Variants in SCHIP1 observed in about 807,000 individuals in gnomAD.
SCHIP1 encodes schwannomin interacting protein 1, also known as schwannomin-interacting protein 1.
SCHIP1 carries 8 observed loss-of-function variants against 29.7 expected under a neutral mutation model. That is an observed-to-expected ratio of 0.27 (90% CI 0.16 to 0.49). SCHIP1 has a LOEUF of 0.49. Ranked by LOEUF, SCHIP1 falls within the 20% of genes least tolerant of loss-of-function variation. The pLI is 0.99. For missense variants in SCHIP1, 193 were observed against 294.6 expected (o/e 0.66, Z 2.52); for synonymous variants, 76 against 94.9 (o/e 0.80, Z 1.16).
At chr3:159,781,384 C>A in the SCHIP1 span, among the ~76,000 whole-genome samples, 1 of 152,136 alleles carries the variant, frequency 6.6e-6, no homozygotes, top group Non-Finnish European at 1.5e-5. Context: ...CTATGTTGGC[C>A]AGGCTGGTCT....
chr3:159,387,614 G>T, the SCHIP1 span, among the ~76,000 whole-genome samples: 3 of 152,176 alleles, frequency 2.0e-5, no homozygotes, highest in Admixed American at 2.0e-4. Flanking sequence ...TTCTTTAAAA[G>T]TCCGTATAGT....
chr3:159,330,615 A>G, the SCHIP1 span, among the ~76,000 whole-genome samples: 1 of 152,166 alleles, frequency 6.6e-6, no homozygotes, highest in Non-Finnish European at 1.5e-5. Context: ...TTTTCAGTGC[A>G]CTGTATCAGT....
chr3:159,384,094 C>G, the SCHIP1 span, among the ~76,000 whole-genome samples: 1 of 151,374 alleles, frequency 6.6e-6, no homozygotes, highest in African/African-American at 2.4e-5. Flanking sequence ...ATTGAATACC[C>G]TTTATTTCCT....
chr3:159,810,942 G>A, the SCHIP1 span, among the ~76,000 whole-genome samples: 5 of 152,134 alleles, frequency 3.3e-5, no homozygotes, highest in South Asian at 2.1e-4. Flanking sequence ...TGAGGCTTAC[G>A]GTTTTTTCAT....
At chr3:159,278,188 T>C in the SCHIP1 span, among the ~76,000 whole-genome samples, 2 of 152,144 alleles carry the variant, frequency 1.3e-5, no homozygotes, top group Admixed American at 1.3e-4. Context: ...ATGTACTGGG[T>C]ACATACTCTT....
chr3:159,758,071 C>G, the SCHIP1 span, among the ~76,000 whole-genome samples: 2 of 152,134 alleles, frequency 1.3e-5, no homozygotes, highest in African/African-American at 2.4e-5. Flanking sequence ...TACAAACTTC[C>G]CCACCTTTTT....
At chr3:159,448,391 A>G in the SCHIP1 span, among the ~76,000 whole-genome samples, 1 of 152,122 alleles carries the variant, frequency 6.6e-6, no homozygotes, top group Non-Finnish European at 1.5e-5. Context: ...GAATTGCTTG[A>G]ACCCGGGAGG....
the SCHIP1 span, among the ~76,000 whole-genome samples, chr3:159,762,362 G>A: frequency 2.0e-5 from 3 of 152,120 alleles, no homozygotes; most frequent in South Asian, 2.1e-4. Flanking sequence ...CAGGAGAGTC[G>A]TGCCTCACAG....
the SCHIP1 span, among the ~76,000 whole-genome samples, chr3:159,400,732 A>G: frequency 6.6e-6 from 1 of 152,162 alleles, no homozygotes; most frequent in Non-Finnish European, 1.5e-5. Context: ...ACAATAAACA[A>G]TTGATGGATT....
the SCHIP1 span, among the ~76,000 whole-genome samples, chr3:159,647,058 C>A: frequency 1.3e-5 from 2 of 151,414 alleles, no homozygotes; most frequent in Admixed American, 1.3e-4. Flanking sequence ...ATAAGGTAAC[C>A]GAAATGGAAT....
At chr3:159,425,569 T>G in the SCHIP1 span, among the ~76,000 whole-genome samples, 1 of 152,118 alleles carries the variant, frequency 6.6e-6, no homozygotes, top group South Asian at 2.1e-4. Flanking sequence ...ACAAAGAGAC[T>G]TAGACTCCCA....
At chr3:159,581,091 T>C in the SCHIP1 span, among the ~76,000 whole-genome samples, 1 of 152,194 alleles carries the variant, frequency 6.6e-6, no homozygotes, top group Non-Finnish European at 1.5e-5. Flanking sequence ...TAGTACTTTC[T>C]TGTAGATAAA....
chr3:159,331,779 AATCTT>A, the SCHIP1 span, among the ~76,000 whole-genome samples: 1 of 152,088 alleles, frequency 6.6e-6, no homozygotes, highest in African/African-American at 2.4e-5. Flanking sequence ...ACCAACCTAT[AATCTT>A]TCCTATAGAC....
At chr3:159,545,904 A>G in the SCHIP1 span, among the ~76,000 whole-genome samples, 1 of 151,592 alleles carries the variant, frequency 6.6e-6, no homozygotes, top group Non-Finnish European at 1.5e-5. Flanking sequence ...CTGGGGACTG[A>G]GCATGTTCCT....
the SCHIP1 span, among the ~76,000 whole-genome samples, chr3:159,301,829 C>T: frequency 2.0e-5 from 3 of 152,106 alleles, no homozygotes; most frequent in South Asian, 4.1e-4. Flanking sequence ...GACCCAGTCC[C>T]AGGTATGTTT....
the SCHIP1 span, among the ~76,000 whole-genome samples, chr3:159,798,328 G>A: frequency 6.6e-6 from 1 of 152,166 alleles, no homozygotes; most frequent in Non-Finnish European, 1.5e-5. Context: ...TGTAAAATGG[G>A]AGTATTAATA....
chr3:159,338,698 G>T, the SCHIP1 span, among the ~76,000 whole-genome samples: 1 of 152,200 alleles, frequency 6.6e-6, no homozygotes, highest in African/African-American at 2.4e-5. Flanking sequence ...AATCAGGCTG[G>T]TACCCAGTGG....
the SCHIP1 span, among the ~76,000 whole-genome samples, chr3:159,296,061 A>T: frequency 2.6e-5 from 4 of 152,240 alleles, no homozygotes; most frequent in East Asian, 7.7e-4. Flanking sequence ...AATTTCCAAT[A>T]ATAAATAATG....
the SCHIP1 span, among the ~76,000 whole-genome samples, chr3:159,492,815 T>A: frequency 6.6e-6 from 1 of 151,950 alleles, no homozygotes; most frequent in Non-Finnish European, 1.5e-5. Context: ...TCACCAAAGT[T>A]GAAATGAAGG....
Sources: allele counts gnomAD v4.1 joint callset (sites outside exome capture counted in the v4.1 genomes callset), GRCh38; gene constraint gnomAD v4.1.1; transcripts MANE v1.5; gene names NCBI Gene and HGNC (gene_info 2026-07-23, HGNC 2026-07-21).